The following C3 variants were observed in gnomAD, a reference collection of about 807,000 sequenced individuals.
The protein encoded by C3 is complement C3, also known as C3 and PZP-like alpha-2-macroglobulin domain-containing protein 1.
In C3, 97 loss-of-function variants were observed where a neutral mutation model predicts 207.9. The observed-to-expected ratio is 0.47, with a 90% CI of 0.40 to 0.55. The LOEUF (loss-of-function observed/expected upper bound fraction) is 0.55, where lower values mean the gene tolerates loss of function less well. Ranked by LOEUF, C3 falls within the 20% of genes least tolerant of loss-of-function variation. The pLI is 0.00. For synonymous variants in C3, 848 were observed against 857.6 expected, an observed-to-expected ratio of 0.99 and a Z score of 0.20; for missense variants, 1,684 against 2,171.7, an observed-to-expected ratio of 0.78 and a Z score of 4.46.
chr19:6,694,289 T>TGG, intron 24 of C3, 142 bp downstream of exon 24: 1 of 714,010 alleles, frequency 1.4e-6, no homozygotes, highest in South Asian at 1.7e-5. Flanking sequence ...TGAGAAGAGG[T>TGG]GGGGCCTCAA....
Position 6,693,067 on chromosome 19 carries a change from C to T in C3, c.3247G>A (p.Val1083Ile), listed in dbSNP as rs545527362. Residue 1083 changes from valine to isoleucine, a missense_variant, in exon 26 of 41, where the codon GTC becomes ATC. Val to Ile is a conservative substitution (Grantham distance 29, BLOSUM62 3). This residue lies in a region of C3 where 1,280 missense variants were observed against 1,739.1 expected (regional missense o/e 0.74). Coordinates refer to ENST00000245907, the MANE Select transcript of C3 (RefSeq NM_000064.4). The stretch of plus-strand genomic sequence containing the variant: ...TTGACAGCCAGAGAGAAGACCTTGA[C>T]CACGTAGGCGGTCAGCCTGGAGTGG... Reference protein sequence around the residue: ...APSTWLTAYVVKVFSLAVNLI... With the variant: ...APSTWLTAYVIKVFSLAVNLI... The T allele has an allele frequency of 3.1e-6, 5 of 1,614,136 alleles. No individual in the cohort carries two copies. The South Asian group carries it at 4.4e-5, about 14-fold the overall frequency.
At chr19:6,705,247 T>G (rs1469297904) in intron 17 of C3, among the ~76,000 whole-genome samples, 1 of 152,202 alleles carries the variant, frequency 6.6e-6, no homozygotes, top group Non-Finnish European at 1.5e-5. Flanking sequence ...TGTCTAATTT[T>G]CCCAGTGACC....
chr19:6,694,674 G>A (rs747249942), intron 23 of C3, 40 bp from the exon 24 acceptor site: 9 of 1,589,454 alleles, frequency 5.7e-6, no homozygotes, highest in Non-Finnish European at 6.9e-6. Context: ...AAGCCAGGTG[G>A]GTGACCCACC....
rs1197185057 is a variant in C3 at position 6,697,275 on chromosome 19, G to A, written c.2796+69C>T. The A allele has an allele frequency of 3.4e-6, 4 of 1,174,440 alleles. No individual in the cohort carries two copies. In the Admixed American group the frequency reaches 7.1e-5, roughly 21 times the overall value. 72.8% of individuals were successfully genotyped at this position (1,174,440 alleles called of 1,614,324 possible). A position where few individuals can be genotyped will look rare whatever the true frequency, so the allele number is the denominator to read the frequency against. On this transcript the variant is annotated intron_variant, in intron 21 of 40. Transcript: ENST00000245907. ...GTCTCAGAGCCTGGATCTCCAACCT[G>A]AGTCAATAGTACGAAGACCAGGAGC...
intron 19 of C3, among the ~76,000 whole-genome samples, chr19:6,701,107 A>C (rs1698521237): frequency 6.6e-6 from 1 of 152,054 alleles, no homozygotes. Context: ...AGCGAAAAGG[A>C]CGATGGCTAC....
intron 19 of C3, 105 bp downstream of exon 19, chr19:6,702,022 A>C (rs1967685249): frequency 8.0e-6 from 6 of 748,996 alleles, no homozygotes; most frequent in Non-Finnish European, 1.2e-5. Flanking sequence ...GGCAGAGAAT[A>C]AAGTGCCAAG....
Position 6,690,685 on chromosome 19 carries a change from C to T in C3, c.3433G>A (p.Ala1145Thr), listed in dbSNP as rs776513727. Reference protein sequence around the residue: ...NNNEKDMALTAFVLISLQEAK... With the variant: ...NNNEKDMALTTFVLISLQEAK... ...TCCTGCAGCGAGATGAGAACAAAGGCCGTGAGGGCCATGTCTTTCTCGTTG... is the reference window on the plus strand; with the variant it reads ...TCCTGCAGCGAGATGAGAACAAAGGTCGTGAGGGCCATGTCTTTCTCGTTG... The change falls in exon 27 of 41, where the codon GCC (alanine) becomes ACC (threonine). Residue 1145 changes from alanine to threonine, a missense_variant. By Grantham distance (58) the Ala-to-Thr change is moderately conservative (BLOSUM62 0). Around this residue, in one of 3 missense-constraint regions of C3, gnomAD observed 1,280 missense variants for 1,739.1 expected, o/e 0.74. Coordinates refer to ENST00000245907, the MANE Select transcript of C3 (RefSeq NM_000064.4). The T allele has an allele frequency of 3.1e-6, 5 of 1,614,106 alleles. No individual in the cohort carries two copies. The East Asian group carries it at 1.1e-4, about 36-fold the overall frequency.
rs201872466 is a variant in C3 at position 6,707,271 on chromosome 19, C to G, written c.2050G>C (p.Gly684Arg). 2 of 1,607,344 alleles carry G rather than the reference C, an allele frequency of 1.2e-6. No individual in the cohort carries two copies. The highest frequency in any genetic ancestry group is 1.7e-6 in the Non-Finnish European group (2 of 1,177,502). The change falls in exon 17 of 41, where the codon GGC becomes CGC. Residue 684 changes from glycine (G) to arginine (R), a missense_variant and splice_region_variant. Gly to Arg is a moderately radical substitution (Grantham distance 125). Around this residue, in one of 3 missense-constraint regions of C3, gnomAD observed 1,280 missense variants for 1,739.1 expected, o/e 0.74. Transcript: ENST00000245907. The part of the protein sequence containing the change: ...QLTEKRMDKV[G>R]KYPKELRKCC... ...TTGCGCAGCTCCTTGGGGTACTTGCCGACTGCGGGAGCACGTGTTCCCCCA... is the reference window on the plus strand; with the variant it reads ...TTGCGCAGCTCCTTGGGGTACTTGCGGACTGCGGGAGCACGTGTTCCCCCA...
intron 28 of C3, chr19:6,686,530 T>A: frequency 2.7e-6 from 2 of 729,620 alleles, no homozygotes; most frequent in Non-Finnish European, 2.4e-6. Context: ...AACTTTCTCG[T>A]GTGGTTTACA....
rs1380131080 is a variant in C3, at chr19:6,707,175, G to A, written c.2146C>T (p.Leu716=). The part of the protein sequence containing the change: ...SCQRRTRFIS[L]GEACKKVFLD... ...AAGACCTTCTTGCACGCCTCGCCCA[G>A]GGAGATGAAACGGGTCCGGCGCTGG... The change falls in exon 17 of 41, where the codon CTG becomes TTG. Residue 716 remains leucine (L), a synonymous_variant. Transcript: ENST00000245907. 6.2e-7 allele frequency: 1 copy of A among 1,613,818 alleles called. No individual in the cohort carries two copies. Among genetic ancestry groups the A allele is most frequent in the East Asian group, 2.2e-5 (1 of 44,852 alleles).
At position 6,700,630 on chromosome 19, in the gene C3, A is replaced by G. The variant is rs1967648100; in HGVS notation, c.2440+1497T>C. On this transcript the variant is annotated intron_variant, in intron 19 of 40. Coordinates refer to ENST00000245907, the MANE Select transcript of C3 (RefSeq NM_000064.4). ...TTATATATGTAATATATAATATATGATATATTATATATGTAATATATAATA... is the reference window on the plus strand; with the variant it reads ...TTATATATGTAATATATAATATATGGTATATTATATATGTAATATATAATA... 8.6e-5 allele frequency among the ~76,000 whole-genome samples: 2 copies of G among 23,296 alleles called. 1 individual carries two copies. Among genetic ancestry groups the G allele is most frequent in the Non-Finnish European group, 1.3e-4 (2 of 14,820 alleles). 15.3% of individuals were successfully genotyped at this position (23,296 alleles called of 152,430 possible).
intron 27 of C3, among the ~76,000 whole-genome samples, chr19:6,689,352 C>CTACCTACCTACCT (rs1918106817): frequency 3.5e-5 from 2 of 57,522 alleles, no homozygotes; most frequent in African/African-American, 2.0e-4. Context: ...TCCCTCCCTC[C>CTACCTACCTACCT]CTCCCTCCCT....
rs1458179511 is a variant in C3 at position 6,700,530 on chromosome 19, G to T, written c.2440+1597C>A. On this transcript the variant is annotated intron_variant, in intron 19 of 40. Coordinates refer to ENST00000245907, the MANE Select transcript of C3 (RefSeq NM_000064.4). ...ATGTAATATATAATATATGTAATAT[G>T]ATATATTATATATGTAATATATAAT... Among the ~76,000 whole-genome samples the T allele has an allele frequency of 2.7e-4, 8 of 29,674 alleles. 3 individuals carry two copies. The highest frequency in any genetic ancestry group is 5.4e-4 in the African/African-American group (2 of 3,692). 19.5% of individuals were successfully genotyped at this position (29,674 alleles called of 152,430 possible). A position where few individuals can be genotyped will look rare whatever the true frequency, so the allele number is the denominator to read the frequency against.
intron 9 of C3, 28 bp from the exon 10 acceptor site, chr19:6,712,651 T>C (rs1407413067): frequency 6.3e-7 from 1 of 1,582,902 alleles, no homozygotes; most frequent in Non-Finnish European, 8.7e-7. Context: ...GAGTGTAGGC[T>C]TCTGGGCCAC....
At position 6,707,201 on chromosome 19, in the gene C3, C is replaced by A. The variant is rs1209110320; in HGVS notation, c.2120G>T (p.Cys707Phe). Residue 707 changes from cysteine to phenylalanine, a missense_variant, in exon 17 of 41, where the codon TGC (cysteine) becomes TTC (phenylalanine). Cys to Phe is a radical substitution (Grantham distance 205, BLOSUM62 -2). Around this residue, in one of 3 missense-constraint regions of C3, gnomAD observed 1,280 missense variants for 1,739.1 expected, o/e 0.74. Transcript: ENST00000245907. The stretch of plus-strand genomic sequence containing the variant: ...GGAGATGAAACGGGTCCGGCGCTGG[C>A]ACGAGAACCTCATGGGGTTCTCCCG... ...GMRENPMRFSCQRRTRFISLG... is the reference protein window; with the variant it reads ...GMRENPMRFSFQRRTRFISLG... 1 of 1,613,614 alleles carries A rather than the reference C, an allele frequency of 6.2e-7. No individual in the cohort carries two copies. Among genetic ancestry groups the A allele is most frequent in the Non-Finnish European group, 8.5e-7 (1 of 1,179,876 alleles).
chr19:6,697,583 A>C, intron 20 of C3, 27 bp from the exon 21 acceptor site: 1 of 1,613,864 alleles, frequency 6.2e-7, no homozygotes, highest in Non-Finnish European at 8.5e-7. Flanking sequence ...GGATCCGGGC[A>C]AGTGTGTGTG....
At chr19:6,689,331 C>CCTACCTACCTA (rs1568213443) in intron 27 of C3, among the ~76,000 whole-genome samples, 24 of 46,498 alleles carry the variant, frequency 5.2e-4, no homozygotes, top group Non-Finnish European at 4.8e-4. Flanking sequence ...CTACCTACCT[C>CCTACCTACCTA]CCTCCCTCCC....
chr19:6,715,619 G>GTTTTTTTTTTTTTT (rs375022094), intron 4 of C3, among the ~76,000 whole-genome samples: 1 of 71,308 alleles, frequency 1.4e-5, no homozygotes, highest in Non-Finnish European at 3.0e-5. Flanking sequence ...TTTTTTTTTT[G>GTTTTTTTTTTTTTT]TTTTTTTTGT....
Position 6,719,377 on chromosome 19 carries a change from A to C in C3, c.101T>G (p.Leu34Trp). ...PMYSIITPNI[L>W]RLESEETMVL... ...CATGGTCTCCTCGCTCTCCAGCCGC[A>C]AGATGTTGGGGGTGATGATAGAGTA... is the stretch of plus-strand genomic sequence containing the variant. The change falls in exon 2 of 41, where the codon TTG becomes TGG. Residue 34 changes from leucine to tryptophan, a missense_variant. Around this residue, in one of 3 missense-constraint regions of C3, gnomAD observed 58 missense variants for 52.5 expected, o/e 1.10. Coordinates refer to ENST00000245907, the MANE Select transcript of C3 (RefSeq NM_000064.4). This position sits in a 1 kb window ranked among gnomAD's most constrained non-coding sequence, Gnocchi z 5.4. 6.2e-7 allele frequency: 1 copy of C among 1,613,852 alleles called. No individual in the cohort carries two copies. The highest frequency in any genetic ancestry group is 8.5e-7 in the Non-Finnish European group (1 of 1,179,914).
Sources: gnomAD v4.1 joint callset for allele counts (sites outside exome capture counted in the v4.1 genomes callset) on GRCh38, gnomAD v4.1.1 for gene constraint, gnomAD v4.1.1 regional missense constraint, Gnocchi (gnomAD v3.1) non-coding constraint, MANE v1.5 for transcripts, NCBI Gene and HGNC (gene_info 2026-07-23, HGNC 2026-07-21) for gene names.